The following ATAD2B variants were observed in gnomAD, a reference collection of about 807,000 sequenced individuals.
ATAD2B encodes ATPase family AAA domain containing 2B, also known as ATPase family AAA domain-containing protein 2B.
ATAD2B carries 40 observed loss-of-function variants against 167.6 expected under a neutral mutation model. The observed-to-expected ratio is 0.24, with a 90% CI of 0.19 to 0.31. The LOEUF (loss-of-function observed/expected upper bound fraction) is 0.31, where lower values mean the gene tolerates loss of function less well. Among genes scored for constraint, ATAD2B ranks in the 10% least tolerant of loss-of-function variants. The probability of loss-of-function intolerance (pLI) is 1.00; values close to 1 mark genes in which losing one functional copy is unlikely to be tolerated. For missense variants in ATAD2B, 1,242 were observed against 1,757.2 expected, an observed-to-expected ratio of 0.71 and a Z score of 5.24; for synonymous variants, 579 against 596.5, an observed-to-expected ratio of 0.97 and a Z score of 0.43.
the ATAD2B span, among the ~76,000 whole-genome samples, chr2:23,731,078 A>C: frequency 3.3e-5 from 5 of 152,174 alleles, no homozygotes; most frequent in Admixed American, 3.3e-4. Flanking sequence ...GACAGGACAA[A>C]AATGGAACCA....
the ATAD2B span, chr2:23,696,235 T>C: frequency 6.7e-7 from 1 of 1,487,230 alleles, no homozygotes. This position sits in a 1 kb window ranked among gnomAD's most constrained non-coding sequence, Gnocchi z 5.5. Context: ...AGTGTCTACT[T>C]TGCAGGTGAA....
At chr2:23,720,376 C>A in the ATAD2B span, among the ~76,000 whole-genome samples, 1 of 151,994 alleles carries the variant, frequency 6.6e-6, no homozygotes. Flanking sequence ...GAGTTTGAGA[C>A]CAGCCTGGCC....
At chr2:23,842,273 G>A (rs562913041) in intron 13 of ATAD2B, among the ~76,000 whole-genome samples, 8 of 151,924 alleles carry the variant, frequency 5.3e-5, no homozygotes, top group East Asian at 3.9e-4. Flanking sequence ...TATACATTAC[G>A]TTTCTATTTT....
intron 12 of ATAD2B, among the ~76,000 whole-genome samples, chr2:23,860,967 A>G (rs71437498): frequency 5.3e-5 from 8 of 152,090 alleles, no homozygotes; most frequent in East Asian, 3.9e-4. Flanking sequence ...GCGAAACTCC[A>G]TATCAAATAA....
chr2:23,793,415 CCTTAAGAGT>C (rs1389835901), intron 19 of ATAD2B, among the ~76,000 whole-genome samples: 1 of 152,078 alleles, frequency 6.6e-6, no homozygotes, highest in East Asian at 1.9e-4. Context: ...TTGCTTCCTC[CCTTAAGAGT>C]CTTTTTTCTG....
At chr2:23,747,436 TCA>T (rs1345557258), downstream of ATAD2B, among the ~76,000 whole-genome samples, 1 of 151,718 alleles carries the variant, frequency 6.6e-6, no homozygotes, top group Non-Finnish European at 1.5e-5. Flanking sequence ...ATATGAAAGG[TCA>T]CACACACAAA....
At chr2:23,885,916 CTCTGATGTGT>C in intron 4 of ATAD2B, 87 bp from the exon 5 acceptor site, 1 of 758,402 alleles carries the variant, frequency 1.3e-6, no homozygotes, top group Non-Finnish European at 2.1e-6. Context: ...ATCAAATCAT[CTCTGATGTGT>C]AACTACACAC....
intron 22 of ATAD2B, among the ~76,000 whole-genome samples, chr2:23,782,596 T>TA (rs1429528861): frequency 6.6e-6 from 1 of 152,206 alleles, no homozygotes; most frequent in African/African-American, 2.4e-5. Flanking sequence ...TGTTGACTAA[T>TA]ATATTTTCAA....
At chr2:23,767,553 T>C (rs1313448660) in intron 22 of ATAD2B, among the ~76,000 whole-genome samples, 2 of 152,192 alleles carry the variant, frequency 1.3e-5, no homozygotes, top group Admixed American at 1.3e-4. Flanking sequence ...AAAGAGAAAC[T>C]GATCATATTG....
At chr2:23,870,138 C>A (rs1464564217) in intron 8 of ATAD2B, among the ~76,000 whole-genome samples, 1 of 147,712 alleles carries the variant, frequency 6.8e-6, no homozygotes, top group Non-Finnish European at 1.5e-5. Context: ...ACCCGGGAGG[C>A]GGAGGTTGCA....
the ATAD2B span, among the ~76,000 whole-genome samples, chr2:23,698,678 T>C: frequency 1.3e-5 from 2 of 152,028 alleles, no homozygotes; most frequent in East Asian, 3.9e-4. Context: ...AATAACCGGG[T>C]CTAATATTTT....
At position 23,786,008 on chromosome 2, in the gene ATAD2B, C is replaced by T. The variant is rs1680756865; in HGVS notation, c.2973+19G>A. ...TTAGCCAGTTCAACTTCACTGTTTG[C>T]ACACTACTGAAACAAGACCTCTTCA... is the stretch of plus-strand genomic sequence containing the variant. On this transcript the variant is annotated intron_variant, in intron 21 of 27. Coordinates refer to ENST00000238789, the MANE Select transcript of ATAD2B (RefSeq NM_017552.4). 1.3e-6 allele frequency: 2 copies of T among 1,580,644 alleles called. No homozygotes were observed. The highest frequency in any genetic ancestry group is 2.4e-5 in the South Asian group (2 of 84,916).
chr2:23,746,715 G>A (rs1249407040), downstream of ATAD2B, among the ~76,000 whole-genome samples: 1 of 152,176 alleles, frequency 6.6e-6, no homozygotes, highest in Non-Finnish European at 1.5e-5. Context: ...TCATAAAGAA[G>A]ATAAAGTTCA....
At chr2:23,877,573 G>C (rs1359176576) in intron 7 of ATAD2B, among the ~76,000 whole-genome samples, 1 of 106,462 alleles carries the variant, frequency 9.4e-6, no homozygotes, top group Non-Finnish European at 1.9e-5. Context: ...GAGGGGAGGG[G>C]AGGGAAGGAA....
the ATAD2B span, among the ~76,000 whole-genome samples, chr2:23,731,920 T>A: frequency 2.7e-5 from 4 of 150,830 alleles, no homozygotes; most frequent in Non-Finnish European, 5.9e-5. Context: ...GAGGTTACAG[T>A]GAGATACGAC....
chr2:23,845,089 AG>A (rs1458535656), intron 13 of ATAD2B, among the ~76,000 whole-genome samples: 1 of 152,182 alleles, frequency 6.6e-6, no homozygotes, highest in Non-Finnish European at 1.5e-5. Context: ...AAGCACGGAA[AG>A]AAAAAGAAAA....
At chr2:23,812,799 GT>G (rs554853024) in intron 17 of ATAD2B, among the ~76,000 whole-genome samples, 65 of 144,520 alleles carry the variant, frequency 4.5e-4, no homozygotes, top group African/African-American at 1.6e-3. Flanking sequence ...GGAGGCAGAG[GT>G]TGCAGTGAGC....
At chr2:23,801,191 G>A (rs754978559) in intron 18 of ATAD2B, among the ~76,000 whole-genome samples, 2 of 151,826 alleles carry the variant, frequency 1.3e-5, no homozygotes, top group African/African-American at 2.4e-5. Flanking sequence ...AACAGAGTTT[G>A]AGAATAGCAT....
chr2:23,805,020 A>G (rs1288215223), intron 18 of ATAD2B, among the ~76,000 whole-genome samples: 1 of 151,612 alleles, frequency 6.6e-6, no homozygotes, highest in Non-Finnish European at 1.5e-5. Flanking sequence ...GTGGGCGCCT[A>G]TAATCCCACC....
Sources: gnomAD v4.1 joint callset for allele counts (sites outside exome capture counted in the v4.1 genomes callset) on GRCh38, gnomAD v4.1.1 for gene constraint, Gnocchi (gnomAD v3.1) non-coding constraint, MANE v1.5 for transcripts, NCBI Gene and HGNC (gene_info 2026-07-23, HGNC 2026-07-21) for gene names.